TCEA1: variants seen among roughly 807,000 people sequenced by gnomAD.
TCEA1 encodes the protein transcription elongation factor A1.
In TCEA1, 21 loss-of-function variants were observed where a neutral mutation model predicts 43.8. The ratio of observed to expected loss-of-function variants is 0.48; its 90% CI spans 0.34 to 0.69. The LOEUF is 0.69. Ranked by LOEUF, TCEA1 falls within the 30% of genes least tolerant of loss-of-function variation. The probability of loss-of-function intolerance (pLI) is 0.01; values close to 1 mark genes in which losing one functional copy is unlikely to be tolerated. For missense variants in TCEA1, 250 were observed against 365.1 expected (o/e 0.68, Z 2.57); for synonymous variants, 104 against 117.5 (o/e 0.88, Z 0.75).
At chr8:53,988,932 G>A (rs1455069979) in intron 4 of TCEA1, among the ~76,000 whole-genome samples, 1 of 152,068 alleles carries the variant, frequency 6.6e-6, no homozygotes, top group Admixed American at 6.6e-5. Flanking sequence ...AGCTGGGCGT[G>A]GTGGCACACG....
chr8:53,967,325 C>A lies in TCEA1; in HGVS notation c.*779G>T. On this transcript the variant is annotated 3_prime_UTR_variant, in exon 10 of 10. Coordinates refer to ENST00000521604, the MANE Select transcript of TCEA1 (RefSeq NM_006756.4). The stretch of plus-strand genomic sequence containing the variant: ...AAATAGTGGGAAGTTTTCATCTTTG[C>A]CTATGAGGGGATTTATGAAAAGCCT... 1 of 201,520 alleles carries A rather than the reference C, an allele frequency of 5.0e-6. No individual in the cohort carries two copies. The highest frequency in any genetic ancestry group is 1.0e-5 in the Non-Finnish European group (1 of 97,698). 12.5% of individuals were successfully genotyped at this position (201,520 alleles called of 1,614,324 possible).
chr8:54,020,518 C>T lies in TCEA1; in HGVS notation c.63+1545G>A, dbSNP rs572696159. 4.6e-5 allele frequency among the ~76,000 whole-genome samples: 7 copies of T among 152,320 alleles called. No individual in the cohort carries two copies. The South Asian group carries it at 1.0e-3, about 23-fold the overall frequency. ...GGAACAGAGGATGTTTGAAGTCTTA[C>T]GTATTTAGTGTTAACACTAATTCCT... is the stretch of plus-strand genomic sequence containing the variant. On this transcript the variant is annotated intron_variant, in intron 1 of 9. Transcript: ENST00000521604.
At chr8:53,998,114 T>G (rs1000421866) in intron 3 of TCEA1, among the ~76,000 whole-genome samples, 11 of 152,228 alleles carry the variant, frequency 7.2e-5, no homozygotes, top group African/African-American at 2.7e-4. Context: ...TGAAAGTATT[T>G]TAAAATACAC....
intron 8 of TCEA1, chr8:53,973,851 C>A (rs1803241140): frequency 5.6e-6 from 2 of 359,950 alleles, no homozygotes. Flanking sequence ...GCAAAGAGAA[C>A]AGAAAAAACA....
chr8:53,994,695 C>T (rs1248137256), intron 3 of TCEA1, among the ~76,000 whole-genome samples: 2 of 151,560 alleles, frequency 1.3e-5, no homozygotes, highest in Non-Finnish European at 2.9e-5. Context: ...GGTAAAACCC[C>T]GTCTCTACTA....
intron 2 of TCEA1, 125 bp downstream of exon 2, chr8:54,010,305 A>C: frequency 1.4e-6 from 1 of 715,188 alleles, no homozygotes; most frequent in Non-Finnish European, 2.3e-6. Flanking sequence ...CTTTAAAAAA[A>C]AATAGCAGTT....
intron 6 of TCEA1, among the ~76,000 whole-genome samples, chr8:53,986,159 GAAGT>G (rs1803683510): frequency 1.3e-5 from 2 of 152,322 alleles, no homozygotes; most frequent in South Asian, 4.1e-4. Context: ...GCTGGTAGCA[GAAGT>G]AATAGATGTC....
chr8:54,014,801 C>G (rs1804769544), intron 1 of TCEA1, among the ~76,000 whole-genome samples: 1 of 152,186 alleles, frequency 6.6e-6, no homozygotes, highest in Non-Finnish European at 1.5e-5. Context: ...GATTTAGATT[C>G]AAATCCATGC....
chr8:54,003,206 G>C, intron 2 of TCEA1: 1 of 375,710 alleles, frequency 2.7e-6, no homozygotes. Flanking sequence ...AAACATTTTT[G>C]AAAGAAATTA....
chr8:54,012,687 C>G (rs966966925), intron 1 of TCEA1, among the ~76,000 whole-genome samples: 2 of 152,042 alleles, frequency 1.3e-5, no homozygotes, highest in Admixed American at 6.5e-5. Context: ...TCTGAAAAAT[C>G]TGGAATTACC....
chr8:53,972,423 T>C (rs991252680), intron 8 of TCEA1: 3 of 542,516 alleles, frequency 5.5e-6, no homozygotes, highest in Non-Finnish European at 1.1e-5. Flanking sequence ...TATGGCAGAT[T>C]TGTTTCCAGA....
intron 4 of TCEA1, among the ~76,000 whole-genome samples, chr8:53,991,139 T>A (rs1454541808): frequency 6.6e-6 from 1 of 152,124 alleles, no homozygotes; most frequent in Non-Finnish European, 1.5e-5. Flanking sequence ...ACGACAGTAA[T>A]CCCAGTACTT....
chr8:53,983,134 C>G (rs1045830649), intron 7 of TCEA1, among the ~76,000 whole-genome samples: 35 of 152,196 alleles, frequency 2.3e-4, no homozygotes, highest in Admixed American at 3.9e-4. Flanking sequence ...GCTGAAGACT[C>G]AGATGATCAT....
intron 6 of TCEA1, among the ~76,000 whole-genome samples, chr8:53,986,501 A>AT (rs1803691948): frequency 6.6e-6 from 1 of 152,198 alleles, no homozygotes; most frequent in South Asian, 2.1e-4. Context: ...AGGTTTTCAA[A>AT]TTGCCAACGA....
At chr8:54,021,256 G>A (rs1400982155) in intron 1 of TCEA1, among the ~76,000 whole-genome samples, 3 of 152,126 alleles carry the variant, frequency 2.0e-5, no homozygotes, top group African/African-American at 7.2e-5. Context: ...ACACAAATGG[G>A]CAAGCTGTAG....
At chr8:54,001,224 C>A (rs1263589960) in intron 2 of TCEA1, among the ~76,000 whole-genome samples, 1 of 151,664 alleles carries the variant, frequency 6.6e-6, no homozygotes, top group African/African-American at 2.4e-5. Flanking sequence ...TGTTAACAGA[C>A]AATATTTCAA....
intron 1 of TCEA1, among the ~76,000 whole-genome samples, chr8:54,013,374 A>G (rs185904012): frequency 1.3e-5 from 2 of 152,274 alleles, no homozygotes; most frequent in African/African-American, 4.8e-5. Context: ...TCTTTAAGAA[A>G]TAACTATGGG....
chr8:53,971,738 C>T, intron 8 of TCEA1: 1 of 215,328 alleles, frequency 4.6e-6, no homozygotes, highest in Non-Finnish European at 8.8e-6. Context: ...ATAAAGATAG[C>T]AAAGCAATGA....
At position 54,011,198 on chromosome 8, in the gene TCEA1, A is replaced by C. The variant is rs542606771; in HGVS notation, c.64-706T>G. ...TTACATATGTAAAAACATACATATA[A>C]GTAAAACAAAATTGGCTGTTACTAA... On this transcript the variant is annotated intron_variant, in intron 1 of 9. Transcript: ENST00000521604. Among the ~76,000 whole-genome samples the C allele has an allele frequency of 1.4e-4, 22 of 152,378 alleles. 1 individual carries two copies. The South Asian group carries it at 4.4e-3, about 30-fold the overall frequency.
Sources: gnomAD v4.1 joint callset for allele counts (sites outside exome capture counted in the v4.1 genomes callset) on GRCh38, gnomAD v4.1.1 for gene constraint, MANE v1.5 for transcripts, NCBI Gene and HGNC (gene_info 2026-07-23, HGNC 2026-07-21) for gene names.